TRAPPC9: variants seen among roughly 807,000 people sequenced by gnomAD.
TRAPPC9 encodes the protein IKK2 binding protein.
Under a neutral mutation model 124.0 loss-of-function variants are expected in TRAPPC9, and 83 were observed. The observed-to-expected ratio is 0.67, with a 90% CI of 0.56 to 0.80. TRAPPC9 has a LOEUF of 0.80. Ranked by LOEUF, TRAPPC9 falls within the 30% of genes least tolerant of loss-of-function variation. The pLI is 0.00. For synonymous variants in TRAPPC9, 638 were observed against 617.5 expected, an observed-to-expected ratio of 1.03 and a Z score of -0.49; for missense variants, 1,302 against 1,508.3, an observed-to-expected ratio of 0.86 and a Z score of 2.27.
At chr8:140,381,541 G>A (rs898765636) in intron 7 of TRAPPC9, among the ~76,000 whole-genome samples, 2 of 151,582 alleles carry the variant, frequency 1.3e-5, no homozygotes, top group African/African-American at 4.9e-5. Flanking sequence ...GGTGGCATGC[G>A]CCTGTAGTCC....
chr8:139,869,388 T>G (rs1587039424), intron 21 of TRAPPC9, among the ~76,000 whole-genome samples: 1 of 152,182 alleles, frequency 6.6e-6, no homozygotes, highest in South Asian at 2.1e-4. Context: ...GGACAACAGT[T>G]ATGAGCATCT....
intron 21 of TRAPPC9, among the ~76,000 whole-genome samples, chr8:139,882,652 AG>A (rs1358587787): frequency 5.9e-5 from 9 of 152,152 alleles, no homozygotes; most frequent in Non-Finnish European, 8.8e-5. Flanking sequence ...GAGTCAGCAC[AG>A]GGGGTAGGAG....
At chr8:139,781,159 G>A (rs1821791436) in intron 21 of TRAPPC9, among the ~76,000 whole-genome samples, 2 of 152,034 alleles carry the variant, frequency 1.3e-5, no homozygotes, top group Admixed American at 6.6e-5. Context: ...CACACTTCTC[G>A]GTATTTACCC....
intron 17 of TRAPPC9, chr8:140,099,579 T>A (rs1361564256): frequency 3.3e-5 from 5 of 149,520 alleles, no homozygotes; most frequent in Non-Finnish European, 7.4e-5. Context: ...CTCAGCTAGG[T>A]CTCAGTGCGC....
intron 19 of TRAPPC9, among the ~76,000 whole-genome samples, chr8:139,925,837 A>G (rs1305895886): frequency 7.1e-6 from 1 of 141,108 alleles, no homozygotes; most frequent in Admixed American, 7.0e-5. Context: ...GCACACACAC[A>G]CACACACACG....
chr8:139,812,761 C>T (rs997893989), intron 21 of TRAPPC9, among the ~76,000 whole-genome samples: 2 of 152,202 alleles, frequency 1.3e-5, no homozygotes, highest in Non-Finnish European at 2.9e-5. Context: ...GTGTTGGAAT[C>T]AGGGCCTAGA....
intron 19 of TRAPPC9, among the ~76,000 whole-genome samples, chr8:139,945,109 G>C (rs949854705): frequency 3.3e-5 from 5 of 152,108 alleles, no homozygotes; most frequent in African/African-American, 1.2e-4. Context: ...ATGCAACAGA[G>C]TGAGACTCCA....
At chr8:139,888,216 A>G (rs928441728) in intron 20 of TRAPPC9, among the ~76,000 whole-genome samples, 3 of 152,188 alleles carry the variant, frequency 2.0e-5, no homozygotes, top group African/African-American at 7.2e-5. Flanking sequence ...CTGAGTAAAC[A>G]GCTCCTGCCC....
At chr8:140,310,039 C>G (rs1299243849) in intron 10 of TRAPPC9, among the ~76,000 whole-genome samples, 1 of 152,218 alleles carries the variant, frequency 6.6e-6, no homozygotes, top group Non-Finnish European at 1.5e-5. Flanking sequence ...CTCGGGAGCA[C>G]ACAACTCTTT....
intron 5 of TRAPPC9, among the ~76,000 whole-genome samples, chr8:140,414,950 G>A (rs766831427): frequency 7.2e-5 from 11 of 152,030 alleles, no homozygotes; most frequent in Non-Finnish European, 1.5e-4. Flanking sequence ...ATGTTGGCCA[G>A]GCTGGTCTTG....
At chr8:140,088,025 A>G (rs1387353309) in intron 17 of TRAPPC9, among the ~76,000 whole-genome samples, 1 of 151,774 alleles carries the variant, frequency 6.6e-6, no homozygotes, top group African/African-American at 2.4e-5. Flanking sequence ...TCTCTTTCTC[A>G]TGGTTCAGAC....
intron 17 of TRAPPC9, among the ~76,000 whole-genome samples, chr8:140,201,867 G>A (rs930101133): frequency 6.6e-6 from 1 of 152,174 alleles, no homozygotes; most frequent in East Asian, 1.9e-4. Flanking sequence ...CAGCAGTGCC[G>A]TGTCAGGCGA....
intron 20 of TRAPPC9, among the ~76,000 whole-genome samples, chr8:139,894,670 C>CT (rs1830555816): frequency 6.6e-6 from 1 of 152,234 alleles, no homozygotes; most frequent in African/African-American, 2.4e-5. Flanking sequence ...GACCAGACCC[C>CT]TGTGAGCCAT....
chr8:139,999,903 G>A (rs192436065), intron 18 of TRAPPC9, among the ~76,000 whole-genome samples: 42 of 152,292 alleles, frequency 2.8e-4, no homozygotes, highest in Non-Finnish European at 4.6e-4. Context: ...TTCTGTGACT[G>A]GAGCTAAAGC....
At chr8:140,130,289 C>T (rs2061183147) in intron 17 of TRAPPC9, among the ~76,000 whole-genome samples, 1 of 152,176 alleles carries the variant, frequency 6.6e-6, no homozygotes. Flanking sequence ...CGTAGAAATG[C>T]TTCCAAATTT....
chr8:140,087,077 A>C lies in TRAPPC9; in HGVS notation c.2557-62998T>G, dbSNP rs1844235551. Among the ~76,000 whole-genome samples, 1 of 151,120 alleles carries C rather than the reference A, an allele frequency of 6.6e-6. No homozygotes were observed. The highest frequency in any genetic ancestry group is 2.4e-5 in the African/African-American group (1 of 41,054). On this transcript the variant is annotated intron_variant, in intron 17 of 22. Coordinates refer to ENST00000438773, the MANE Select transcript of TRAPPC9 (RefSeq NM_001160372.4). The surrounding 1 kb of genome is among the most constrained non-coding windows in gnomAD (Gnocchi z 4.6). ...GCCACCGTCAGCCTGCCATCCTCCTACTCCTCTGAAATGACTCTTTCCAAT... is the reference window on the plus strand; with the variant it reads ...GCCACCGTCAGCCTGCCATCCTCCTCCTCCTCTGAAATGACTCTTTCCAAT...
intron 19 of TRAPPC9, among the ~76,000 whole-genome samples, chr8:139,976,206 AC>A (rs1468875923): frequency 6.6e-6 from 1 of 151,826 alleles, no homozygotes; most frequent in Non-Finnish European, 1.5e-5. Flanking sequence ...TTTTTTTAAC[AC>A]CCCATGCTGG....
At chr8:140,160,360 G>A (rs1418467028) in intron 17 of TRAPPC9, among the ~76,000 whole-genome samples, 3 of 152,038 alleles carry the variant, frequency 2.0e-5, no homozygotes, top group African/African-American at 4.8e-5. Context: ...TGTTTATTGC[G>A]GCACTATTCA....
chr8:140,060,369 A>C (rs889424107), intron 17 of TRAPPC9, among the ~76,000 whole-genome samples: 3 of 152,160 alleles, frequency 2.0e-5, no homozygotes, highest in African/African-American at 7.2e-5. Flanking sequence ...CCATGTGTTC[A>C]GCTTAGGATT....
Sources: allele counts gnomAD v4.1 joint callset (sites outside exome capture counted in the v4.1 genomes callset), GRCh38; gene constraint gnomAD v4.1.1; non-coding constraint Gnocchi (gnomAD v3.1); transcripts MANE v1.5; gene names NCBI Gene and HGNC (gene_info 2026-07-23, HGNC 2026-07-21).